RIPOR2: variants seen among roughly 807,000 people sequenced by gnomAD.
RIPOR2 encodes RHO family interacting cell polarization regulator 2, also known as rho family-interacting cell polarization regulator 2.
Under a neutral mutation model 114.5 loss-of-function variants are expected in RIPOR2, and 39 were observed. The observed-to-expected ratio is 0.34, with a 90% CI of 0.26 to 0.44. The LOEUF (loss-of-function observed/expected upper bound fraction) is 0.44. RIPOR2 is among the 20% of genes least tolerant of loss of function. RIPOR2 has a pLI of 1.00. For synonymous variants in RIPOR2, 445 were observed against 484.4 expected, an observed-to-expected ratio of 0.92 and a Z score of 1.07; for missense variants, 1,007 against 1,255.1, an observed-to-expected ratio of 0.80 and a Z score of 2.99.
At chr6:24,899,563 A>C (rs1039682142) in intron 1 of RIPOR2, among the ~76,000 whole-genome samples, 2 of 152,224 alleles carry the variant, frequency 1.3e-5, no homozygotes, top group African/African-American at 2.4e-5. Context: ...ATCTGACGCT[A>C]TTCATTTTCC....
At chr6:24,984,891 G>T (rs1052187368) in intron 1 of RIPOR2, among the ~76,000 whole-genome samples, 1 of 152,190 alleles carries the variant, frequency 6.6e-6, no homozygotes, top group African/African-American at 2.4e-5. Flanking sequence ...AAGGCAGCCT[G>T]GTTGAGGTTC....
chr6:24,943,508 C>G (rs779863593), intron 1 of RIPOR2, among the ~76,000 whole-genome samples: 1 of 148,702 alleles, frequency 6.7e-6, no homozygotes, highest in Non-Finnish European at 1.5e-5. Flanking sequence ...AATAATAAAG[C>G]CTTTCTTCCA....
At chr6:24,969,980 T>C (rs972366836) in intron 1 of RIPOR2, among the ~76,000 whole-genome samples, 6 of 152,166 alleles carry the variant, frequency 3.9e-5, no homozygotes, top group Admixed American at 1.3e-4. Flanking sequence ...TCAATAAATA[T>C]TTGTTGAATA....
intron 1 of RIPOR2, among the ~76,000 whole-genome samples, chr6:24,915,012 C>T (rs1287733924): frequency 2.0e-5 from 3 of 152,162 alleles, no homozygotes; most frequent in Admixed American, 2.0e-4. Context: ...TCTGTAACTA[C>T]CTGTGTCTAT....
rs1382268613 is a variant in RIPOR2 at position 24,914,762 on chromosome 6, G to A, written c.61+21076C>T. ...ATCCTAGTAAATACACAATTCATCA[G>A]AAGAAAGCAGAACAGCAGCCAAAAT... On this transcript the variant is annotated intron_variant, in intron 1 of 21. Coordinates refer to ENST00000643898, the MANE Select transcript of RIPOR2 (RefSeq NM_001286445.3). Among the ~76,000 whole-genome samples the A allele has an allele frequency of 2.0e-5, 3 of 152,176 alleles. No individual in the cohort carries two copies. In the South Asian group the frequency reaches 6.2e-4, roughly 31 times the overall value.
rs191540890 is a variant in RIPOR2 at position 24,953,772 on chromosome 6, A to G, written c.77-77955T>C. ...TTCAAAACATTCCCCCAGTTTATGA[A>G]CATTAGATGATCCCTTTGTCCAATC... On this transcript the variant is annotated intron_variant, in intron 1 of 13. Coordinates refer to the RIPOR2 transcript ENST00000510784. Among the ~76,000 whole-genome samples, 5 of 152,316 alleles carry G rather than the reference A, an allele frequency of 3.3e-5. No homozygotes were observed. In the East Asian group the frequency reaches 9.6e-4, roughly 29 times the overall value.
chr6:24,900,525 G>A (rs765743437), intron 1 of RIPOR2, among the ~76,000 whole-genome samples: 3 of 152,070 alleles, frequency 2.0e-5, no homozygotes, highest in Non-Finnish European at 2.9e-5. Flanking sequence ...TTGGGAGACC[G>A]ATGCAGGGAG....
intron 21 of RIPOR2, among the ~76,000 whole-genome samples, chr6:24,809,089 A>G (rs1053825638): frequency 6.6e-6 from 1 of 152,192 alleles, no homozygotes; most frequent in African/African-American, 2.4e-5. Flanking sequence ...GAGTTAAGAA[A>G]GGCTTTCCCC....
At chr6:24,840,597 T>C (rs1460848584) in intron 13 of RIPOR2, 15 of 1,498,596 alleles carry the variant, frequency 1.0e-5, no homozygotes. Flanking sequence ...CCTTGCTGAT[T>C]TCTTAGCGCA....
intron 1 of RIPOR2, among the ~76,000 whole-genome samples, chr6:24,888,243 G>T (rs373720890): frequency 6.6e-6 from 1 of 152,056 alleles, no homozygotes; most frequent in Non-Finnish European, 1.5e-5. Flanking sequence ...TGATCACCAG[G>T]TTAAAAAAAC....
intron 15 of RIPOR2, among the ~76,000 whole-genome samples, chr6:24,833,837 C>T (rs1403376984): frequency 6.6e-6 from 1 of 151,962 alleles, no homozygotes; most frequent in Non-Finnish European, 1.5e-5. Flanking sequence ...GCCTTATTAC[C>T]GAGAGAAACA....
At chr6:24,830,699 G>A (rs144964125) in intron 16 of RIPOR2, 29 bp from the exon 17 acceptor site, 52,023 of 1,527,756 alleles carry the variant, frequency 0.034, 1,049 homozygotes, top group Non-Finnish European at 0.039. Context: ...CCCCCATCTC[G>A]TAACACATTT....
At chr6:24,977,156 T>C (rs967750841) in intron 1 of RIPOR2, among the ~76,000 whole-genome samples, 1 of 152,034 alleles carries the variant, frequency 6.6e-6, no homozygotes, top group African/African-American at 2.4e-5. Context: ...CAGAGTTAAG[T>C]TTATGATTAT....
At chr6:25,008,967 G>A (rs998805874) in intron 1 of RIPOR2, among the ~76,000 whole-genome samples, 1 of 152,244 alleles carries the variant, frequency 6.6e-6, no homozygotes, top group Non-Finnish European at 1.5e-5. Flanking sequence ...TTGAGCTCAT[G>A]TAGCTTGTTA....
chr6:24,969,434 G>A (rs899695167), intron 1 of RIPOR2, among the ~76,000 whole-genome samples: 3 of 152,190 alleles, frequency 2.0e-5, no homozygotes, highest in Non-Finnish European at 4.4e-5. Context: ...TAAAACAGTA[G>A]TTCTCCATTC....
chr6:24,932,310 A>T (rs1297447507), intron 1 of RIPOR2, among the ~76,000 whole-genome samples: 2 of 123,816 alleles, frequency 1.6e-5, no homozygotes, highest in African/African-American at 6.3e-5. Flanking sequence ...AAGCAAACTT[A>T]AGACTGTGTG....
intron 1 of RIPOR2, among the ~76,000 whole-genome samples, chr6:24,921,807 A>G (rs1160003066): frequency 2.0e-5 from 3 of 151,796 alleles, no homozygotes; most frequent in Non-Finnish European, 4.4e-5. Flanking sequence ...AAGACTTTCA[A>G]TTGATATTCT....
chr6:24,874,446 A>G lies in RIPOR2; in HGVS notation c.189-647T>C, dbSNP rs562419900. Among the ~76,000 whole-genome samples, 6 of 152,252 alleles carry G rather than the reference A, an allele frequency of 3.9e-5. No homozygotes were observed. In the South Asian group the frequency reaches 6.2e-4, roughly 16 times the overall value. On this transcript the variant is annotated intron_variant, in intron 2 of 21. Coordinates refer to ENST00000643898, the MANE Select transcript of RIPOR2 (RefSeq NM_001286445.3). Reference sequence around the variant, plus strand: ...TTTGTAATCATCTTGTGTTCACACTAGTGTCCTTTGCAGAAGGTAATGTTC... The same window carrying G: ...TTTGTAATCATCTTGTGTTCACACTGGTGTCCTTTGCAGAAGGTAATGTTC...
At chr6:24,839,002 T>C (rs1761371134) in intron 14 of RIPOR2, 89 bp downstream of exon 14, 5 of 1,079,822 alleles carry the variant, frequency 4.6e-6, no homozygotes, top group Non-Finnish European at 6.6e-6. Flanking sequence ...TTCCTGGAAA[T>C]GTGTACCAGG....
Sources: allele counts gnomAD v4.1 joint callset (sites outside exome capture counted in the v4.1 genomes callset), GRCh38; gene constraint gnomAD v4.1.1; transcripts MANE v1.5; gene names NCBI Gene and HGNC (gene_info 2026-07-23, HGNC 2026-07-21).